CDK14: variants seen among roughly 807,000 people sequenced by gnomAD.
CDK14 encodes the protein cyclin-dependent kinase 14.
CDK14 carries 34 observed loss-of-function variants against 60.7 expected under a neutral mutation model. The observed-to-expected ratio is 0.56, with a 90% CI of 0.43 to 0.75. The LOEUF is 0.75. CDK14 is among the 30% of genes least tolerant of loss of function. The probability of loss-of-function intolerance (pLI) is 0.00; values close to 1 mark genes in which losing one functional copy is unlikely to be tolerated. For synonymous variants in CDK14, 197 were observed against 203.7 expected, an observed-to-expected ratio of 0.97 and a Z score of 0.28; for missense variants, 482 against 564.1, an observed-to-expected ratio of 0.85 and a Z score of 1.47.
At chr7:90,723,199 G>T (rs1338613161) in intron 2 of CDK14, among the ~76,000 whole-genome samples, 1 of 152,134 alleles carries the variant, frequency 6.6e-6, no homozygotes, top group Non-Finnish European at 1.5e-5. Flanking sequence ...AGTCTATTGA[G>T]ATGATCATAT....
chr7:90,950,854 A>C (rs1052137609), intron 8 of CDK14, among the ~76,000 whole-genome samples: 1 of 152,206 alleles, frequency 6.6e-6, no homozygotes, highest in African/African-American at 2.4e-5. Flanking sequence ...AAACCTTGTC[A>C]AGTAGAGAGA....
chr7:91,004,477 C>T (rs1187982418), intron 10 of CDK14, among the ~76,000 whole-genome samples: 1 of 152,128 alleles, frequency 6.6e-6, no homozygotes, highest in African/African-American at 2.4e-5. Context: ...AGGGGCATTT[C>T]CAACTATTTT....
intron 14 of CDK14, among the ~76,000 whole-genome samples, chr7:91,179,470 G>A (rs1266883228): frequency 3.4e-4 from 51 of 149,402 alleles, no homozygotes; most frequent in African/African-American, 1.2e-3. Context: ...TAACCTGCAC[G>A]ATGTGCACAT....
At chr7:90,942,256 G>C (rs1562837818) in intron 8 of CDK14, among the ~76,000 whole-genome samples, 1 of 152,160 alleles carries the variant, frequency 6.6e-6, no homozygotes, top group Non-Finnish European at 1.5e-5. Flanking sequence ...CAAGGCTTGG[G>C]AAGGAATATT....
At chr7:90,812,971 GT>G (rs1789196625) in intron 5 of CDK14, among the ~76,000 whole-genome samples, 1 of 152,114 alleles carries the variant, frequency 6.6e-6, no homozygotes, top group Admixed American at 6.5e-5. Flanking sequence ...TTACCTAAGT[GT>G]TTCCAGTATT....
At chr7:90,740,619 T>C (rs1803307280) in intron 3 of CDK14, among the ~76,000 whole-genome samples, 1 of 152,172 alleles carries the variant, frequency 6.6e-6, no homozygotes, top group African/African-American at 2.4e-5. Context: ...GATCTTGGAC[T>C]TCTAGCTTCC....
At chr7:90,601,545 C>G (rs565924988) in intron 1 of CDK14, among the ~76,000 whole-genome samples, 1 of 152,186 alleles carries the variant, frequency 6.6e-6, no homozygotes, top group African/African-American at 2.4e-5. Context: ...TATGTCATAG[C>G]AAATACACTT....
At chr7:90,649,367 TTC>T (rs1429081083) in intron 2 of CDK14, among the ~76,000 whole-genome samples, 21 of 14,948 alleles carry the variant, frequency 1.4e-3, no homozygotes, top group East Asian at 6.8e-3. Flanking sequence ...CTTCCTTCCT[TTC>T]CTTCCTTCCT....
chr7:91,055,285 T>G (rs1002868010), intron 11 of CDK14, among the ~76,000 whole-genome samples: 2 of 152,128 alleles, frequency 1.3e-5, no homozygotes, highest in Admixed American at 6.5e-5. Context: ...AAATGTAAAA[T>G]TAGCAATTCA....
chr7:91,106,409 T>C (rs1799296627), intron 12 of CDK14, among the ~76,000 whole-genome samples: 1 of 152,204 alleles, frequency 6.6e-6, no homozygotes, highest in South Asian at 2.1e-4. Flanking sequence ...TTGAAATAAC[T>C]GCTATCATTT....
At chr7:91,082,303 A>G (rs1798504666) in intron 12 of CDK14, among the ~76,000 whole-genome samples, 1 of 152,246 alleles carries the variant, frequency 6.6e-6, no homozygotes, top group South Asian at 2.1e-4. Context: ...GAAAGTATCA[A>G]AAAGAGAACT....
chr7:90,944,486 A>T (rs1794039771), intron 8 of CDK14, among the ~76,000 whole-genome samples: 1 of 152,208 alleles, frequency 6.6e-6, no homozygotes, highest in African/African-American at 2.4e-5. Context: ...TAATCTCAGC[A>T]CTTTGGGAAG....
In CDK14 at chr7:91,112,765, T is replaced by C; in HGVS notation, c.1294+84T>C. ...TCTGTATGTAACGTGTATGCAGAGA[T>C]TCACATATTTGTGTGTCCACAAACA... is the stretch of plus-strand genomic sequence containing the variant. On this transcript the variant is annotated intron_variant, in intron 13 of 14. Transcript: ENST00000380050. The C allele has an allele frequency of 7.8e-6, 11 of 1,408,268 alleles. No homozygotes were observed. In the South Asian group the frequency reaches 1.3e-4, roughly 17 times the overall value. 87.2% of individuals were successfully genotyped at this position (1,408,268 alleles called of 1,614,324 possible).
At chr7:91,073,426 A>G (rs1020917521) in intron 11 of CDK14, among the ~76,000 whole-genome samples, 3 of 152,226 alleles carry the variant, frequency 2.0e-5, no homozygotes, top group Admixed American at 2.0e-4. Flanking sequence ...AAGGAGAAAT[A>G]AAATCATTTT....
At chr7:90,792,160 A>AAAGTGCT (rs1805859638) in intron 5 of CDK14, among the ~76,000 whole-genome samples, 1 of 150,652 alleles carries the variant, frequency 6.6e-6, no homozygotes, top group African/African-American at 2.4e-5. Context: ...TCGGCCTCCC[A>AAAGTGCT]AAGTGCTGGG....
chr7:90,920,493 T>C (rs559819075), intron 8 of CDK14, among the ~76,000 whole-genome samples: 23 of 152,332 alleles, frequency 1.5e-4, no homozygotes, highest in Admixed American at 1.4e-3. Flanking sequence ...CTAACCTGTA[T>C]TTTTGAGAGA....
intron 5 of CDK14, among the ~76,000 whole-genome samples, chr7:90,828,310 C>G (rs1789793987): frequency 6.6e-6 from 1 of 152,196 alleles, no homozygotes; most frequent in African/African-American, 2.4e-5. Flanking sequence ...CAGTATTCTT[C>G]TCTCCCACCC....
intron 12 of CDK14, among the ~76,000 whole-genome samples, chr7:91,109,783 A>C (rs1329062879): frequency 2.0e-5 from 3 of 152,142 alleles, no homozygotes; most frequent in East Asian, 1.9e-4. Flanking sequence ...AATACTAAAC[A>C]AAAGAAGCTG....
intron 14 of CDK14, among the ~76,000 whole-genome samples, chr7:91,148,680 A>G (rs1800731194): frequency 1.3e-5 from 2 of 152,186 alleles, no homozygotes; most frequent in Non-Finnish European, 1.5e-5. Flanking sequence ...AACGAGGACC[A>G]TGGTCAGGCA....
Sources: gnomAD v4.1 joint callset for allele counts (sites outside exome capture counted in the v4.1 genomes callset) on GRCh38, gnomAD v4.1.1 for gene constraint, MANE v1.5 for transcripts, NCBI Gene and HGNC (gene_info 2026-07-23, HGNC 2026-07-21) for gene names.